RAD54L2: variants seen among roughly 807,000 people sequenced by gnomAD.
The protein encoded by RAD54L2 is helicase ARIP4.
RAD54L2 carries 27 observed loss-of-function variants against 138.4 expected under a neutral mutation model. That is an observed-to-expected ratio of 0.20 (90% CI 0.14 to 0.27). The LOEUF is 0.27. RAD54L2 is among the 10% of genes least tolerant of loss of function. The probability of loss-of-function intolerance (pLI) is 1.00; values close to 1 mark genes in which losing one functional copy is unlikely to be tolerated. For synonymous variants in RAD54L2, 644 were observed against 723.2 expected, an observed-to-expected ratio of 0.89 and a Z score of 1.76; for missense variants, 1,396 against 1,890.2, an observed-to-expected ratio of 0.74 and a Z score of 4.85.
At position 51,645,487 on chromosome 3, in the gene RAD54L2, G is replaced by C. The variant is rs1701255715; in HGVS notation, c.2657-104G>C. 2 of 1,229,250 alleles carry C rather than the reference G, an allele frequency of 1.6e-6. No individual in the cohort carries two copies. The highest frequency in any genetic ancestry group is 2.2e-6 in the Non-Finnish European group (2 of 891,096). The allele number at this position is 1,229,250 out of a possible 1,614,324, so 76.1% of individuals were successfully genotyped here. A position where few individuals can be genotyped will look rare whatever the true frequency, so the allele number is the denominator to read the frequency against. On this transcript the variant is annotated intron_variant, in intron 17 of 22. Transcript: ENST00000684192. The surrounding 1 kb of genome is among the most constrained non-coding windows in gnomAD (Gnocchi z 6.1). ...TGTTTCCAGTGTCACCAGCACCTCA[G>C]ACCTAGTCTTTGACTTTCAGATATG...
intron 2 of RAD54L2, among the ~76,000 whole-genome samples, chr3:51,574,641 CTT>C (rs1275443344): frequency 6.6e-6 from 1 of 152,126 alleles, no homozygotes; most frequent in East Asian, 1.9e-4. Context: ...GCATAAATGT[CTT>C]CTTTTGAGAA....
At position 51,662,236 on chromosome 3, in the gene RAD54L2, A is replaced by G. The variant is rs1255217894; in HGVS notation, c.3410-190A>G. On this transcript the variant is annotated intron_variant, in intron 22 of 22. Transcript: ENST00000684192. This position sits in a 1 kb window ranked among gnomAD's most constrained non-coding sequence, Gnocchi z 4.6. The stretch of plus-strand genomic sequence containing the variant: ...AGAAAAGTTACATGCCTTGTCATAG[A>G]TAGACCTATTTCTGGGATCAAAGAA... 1.3e-5 allele frequency among the ~76,000 whole-genome samples: 2 copies of G among 152,194 alleles called. No individual in the cohort carries two copies. Among genetic ancestry groups the G allele is most frequent in the Non-Finnish European group, 2.9e-5 (2 of 68,034 alleles).
At chr3:51,618,712 TG>T (rs1041328328) in intron 3 of RAD54L2, among the ~76,000 whole-genome samples, 6 of 152,094 alleles carry the variant, frequency 3.9e-5, no homozygotes, top group Admixed American at 6.6e-5. Flanking sequence ...TGTAATGACT[TG>T]GGGGGGTTCT....
chr3:51,627,526 G>T, intron 3 of RAD54L2, 27 bp from the exon 4 acceptor site: 1 of 1,545,290 alleles, frequency 6.5e-7, no homozygotes, highest in South Asian at 1.2e-5. Flanking sequence ...CCCCTATAAA[G>T]CAATGTCTTT....
At position 51,667,746 on chromosome 3, in the gene RAD54L2, T is replaced by G. The variant is rs547151877; in HGVS notation, c.*4326T>G. 1 of 152,406 alleles carries G rather than the reference T, an allele frequency of 6.6e-6. No individual in the cohort carries two copies. The highest frequency in any genetic ancestry group is 1.5e-5 in the Non-Finnish European group (1 of 68,078). 9.4% of individuals were successfully genotyped at this position (152,406 alleles called of 1,614,324 possible). ...ATTCTGCTGTGATCCCCTTAACGGCTTTTCTGTGCTACTAGCTTAGCCCTA... is the reference window on the plus strand; with the variant it reads ...ATTCTGCTGTGATCCCCTTAACGGCGTTTCTGTGCTACTAGCTTAGCCCTA... On this transcript the variant is annotated 3_prime_UTR_variant, in exon 23 of 23. Transcript: ENST00000684192.
rs531599187 is a variant in RAD54L2 at position 51,667,682 on chromosome 3, C to T, written c.*4262C>T. The T allele has an allele frequency of 3.9e-5, 6 of 152,496 alleles. No homozygotes were observed. Among genetic ancestry groups the T allele is most frequent in the African/African-American group, 1.4e-4 (6 of 41,584 alleles). 9.4% of individuals were successfully genotyped at this position (152,496 alleles called of 1,614,324 possible). On this transcript the variant is annotated 3_prime_UTR_variant, in exon 23 of 23. Coordinates refer to ENST00000684192, the MANE Select transcript of RAD54L2 (RefSeq NM_015106.4). ...GCTCTCTATTGGTCACCTTGAGACT[C>T]CGTTCCCCTGCTGCCAACTCTTCTC...
chr3:51,601,464 C>T (rs1424558025), intron 3 of RAD54L2, among the ~76,000 whole-genome samples: 1 of 151,940 alleles, frequency 6.6e-6, no homozygotes, highest in African/African-American at 2.4e-5. Context: ...CGTGCCACCA[C>T]GCCCTGCTAA....
chr3:51,641,248 C>T (rs964447820), intron 14 of RAD54L2, among the ~76,000 whole-genome samples: 5 of 151,964 alleles, frequency 3.3e-5, no homozygotes, highest in Admixed American at 6.6e-5. Flanking sequence ...TCAGGTGATC[C>T]GCCCGCCTCG....
At position 51,638,922 on chromosome 3, in the gene RAD54L2, C is replaced by T. The variant is rs151277948; in HGVS notation, c.1861-497C>T. 2.4e-4 allele frequency: 39 copies of T among 163,382 alleles called. No individual in the cohort carries two copies. The highest frequency in any genetic ancestry group is 4.3e-4 in the Non-Finnish European group (32 of 74,728). 10.1% of individuals were successfully genotyped at this position (163,382 alleles called of 1,614,324 possible). A position where few individuals can be genotyped will look rare whatever the true frequency, so the allele number is the denominator to read the frequency against. ...GTCAAGGCCAGGAAACTAAGGCAAG[C>T]GTGGTCTGTGATGATGCTTTGGTAT... On this transcript the variant is annotated intron_variant, in intron 12 of 22. Transcript: ENST00000684192. This position sits in a 1 kb window ranked among gnomAD's most constrained non-coding sequence, Gnocchi z 4.3.
intron 19 of RAD54L2, among the ~76,000 whole-genome samples, chr3:51,653,636 A>G (rs1385355409): frequency 6.6e-6 from 1 of 152,246 alleles, no homozygotes; most frequent in East Asian, 1.9e-4. Context: ...TTGTAGGGAC[A>G]TGGATGAAGC....
At chr3:51,629,663 A>T (rs979761325) in intron 5 of RAD54L2, among the ~76,000 whole-genome samples, 190 bp downstream of exon 5, 1 of 152,012 alleles carries the variant, frequency 6.6e-6, no homozygotes. Context: ...GTTCGAGACC[A>T]GTCTGGCCAA....
At chr3:51,614,298 A>C (rs1326668450) in intron 3 of RAD54L2, among the ~76,000 whole-genome samples, 2 of 151,966 alleles carry the variant, frequency 1.3e-5, no homozygotes, top group African/African-American at 4.8e-5. Flanking sequence ...AGTAGCTATG[A>C]CTATAGGCAT....
intron 3 of RAD54L2, among the ~76,000 whole-genome samples, chr3:51,614,672 C>T (rs753544960): frequency 3.3e-5 from 5 of 152,198 alleles, no homozygotes; most frequent in South Asian, 2.1e-4. Context: ...GCCACCATAT[C>T]GGGCTAATTT....
chr3:51,539,615 G>A (rs1363224180), intron 1 of RAD54L2, among the ~76,000 whole-genome samples: 1 of 152,062 alleles, frequency 6.6e-6, no homozygotes, highest in Non-Finnish European at 1.5e-5. Context: ...AGGCCGGTGG[G>A]AGTTGTGGTT....
At chr3:51,621,216 T>C (rs1700563946) in intron 3 of RAD54L2, among the ~76,000 whole-genome samples, 1 of 152,216 alleles carries the variant, frequency 6.6e-6, no homozygotes, top group Admixed American at 6.5e-5. Context: ...CAATGAACTT[T>C]AAATATTAGC....
Position 51,639,555 on chromosome 3 carries a change from G to A in RAD54L2, c.1997G>A (p.Gly666Glu), listed in dbSNP as rs767182507. The A allele has an allele frequency of 7.4e-6, 12 of 1,614,024 alleles. No individual in the cohort carries two copies. The East Asian group carries it at 2.7e-4, about 36-fold the overall frequency. Residue 666 changes from glycine to glutamate, a missense_variant, in exon 13 of 23, where the codon GGA becomes GAA. Gly to Glu is a moderately conservative substitution (Grantham distance 98). Transcript: ENST00000684192. ...CCACCACAGGGAACAAAAGGCAAGG[G>A]AGAGGATAGCACCTTGGCTTCCTCG... Reference protein sequence around the residue: ...RCPPQGTKGKGEDSTLASSMG... With the variant: ...RCPPQGTKGKEEDSTLASSMG...
intron 3 of RAD54L2, among the ~76,000 whole-genome samples, chr3:51,601,853 G>A (rs9990140): frequency 2.0e-5 from 3 of 150,504 alleles, no homozygotes; most frequent in Non-Finnish European, 4.4e-5. Context: ...GTGTTTTTTT[G>A]TTTTTTTGTT....
At chr3:51,577,739 C>T (rs1415491346) in intron 2 of RAD54L2, among the ~76,000 whole-genome samples, 4 of 152,108 alleles carry the variant, frequency 2.6e-5, no homozygotes, top group African/African-American at 9.7e-5. Context: ...CTATGTGTGT[C>T]TCTGCTTTGG....
chr3:51,595,295 G>A (rs1319645961), intron 3 of RAD54L2, among the ~76,000 whole-genome samples: 1 of 152,182 alleles, frequency 6.6e-6, no homozygotes, highest in African/African-American at 2.4e-5. Context: ...CTATGGGAAA[G>A]GGTAATGAGG....
Sources: allele counts gnomAD v4.1 joint callset (sites outside exome capture counted in the v4.1 genomes callset), GRCh38; gene constraint gnomAD v4.1.1; non-coding constraint Gnocchi (gnomAD v3.1); transcripts MANE v1.5; gene names NCBI Gene and HGNC (gene_info 2026-07-23, HGNC 2026-07-21).